Variants in ALK observed in about 807,000 individuals in gnomAD.
ALK encodes ALK receptor tyrosine kinase.
In ALK, 74 loss-of-function variants were observed where a neutral mutation model predicts 163.1. The observed-to-expected ratio is 0.45, with a 90% confidence interval of 0.38 to 0.55. ALK has a LOEUF of 0.55. Among genes scored for constraint, ALK ranks in the 20% least tolerant of loss-of-function variants. The pLI is 0.00. For synonymous variants in ALK, 960 were observed against 843.2 expected (o/e 1.14, Z -2.40); for missense variants, 2,063 against 2,105.3 (o/e 0.98, Z 0.39).
chr2:29,566,551 C>T (rs1012876052), intron 3 of ALK, among the ~76,000 whole-genome samples: 7 of 152,050 alleles, frequency 4.6e-5, no homozygotes, highest in South Asian at 4.1e-4. Context: ...CATACATGGC[C>T]GGTAGGAACA....
At chr2:29,765,816 C>T (rs956809161) in intron 1 of ALK, among the ~76,000 whole-genome samples, 1 of 151,794 alleles carries the variant, frequency 6.6e-6, no homozygotes, top group African/African-American at 2.4e-5. Flanking sequence ...TTTTTAAGCC[C>T]TTATTTGTAG....
chr2:29,868,363 T>A (rs556955773), intron 1 of ALK, among the ~76,000 whole-genome samples: 1 of 152,202 alleles, frequency 6.6e-6, no homozygotes, highest in Non-Finnish European at 1.5e-5. Context: ...CAGACAAAGA[T>A]TCTGCACTTG....
intron 1 of ALK, among the ~76,000 whole-genome samples, chr2:29,882,916 T>C (rs1353336834): frequency 6.6e-6 from 1 of 152,210 alleles, no homozygotes; most frequent in African/African-American, 2.4e-5. Context: ...CTGATCATCA[T>C]GTATTTTTAT....
At position 29,428,889 on chromosome 2, in the gene ALK, C is replaced by T. The variant is rs577414182; in HGVS notation, c.1155-45030G>A. 2.0e-5 allele frequency among the ~76,000 whole-genome samples: 3 copies of T among 151,938 alleles called. No homozygotes were observed. The East Asian group carries it at 5.8e-4, about 29-fold the overall frequency. Reference sequence around the variant, plus strand: ...CAAAATACTAGCAAACTCAATCAAGCAACGTATAAAAAGACTTGTACTCCA... The same window carrying T: ...CAAAATACTAGCAAACTCAATCAAGTAACGTATAAAAAGACTTGTACTCCA... On this transcript the variant is annotated intron_variant, in intron 4 of 28. Transcript: ENST00000389048.
intron 4 of ALK, among the ~76,000 whole-genome samples, chr2:29,482,835 T>A (rs1357730503): frequency 6.6e-6 from 1 of 152,192 alleles, no homozygotes; most frequent in African/African-American, 2.4e-5. Flanking sequence ...GACGACTACA[T>A]GGATTACTAA....
chr2:29,227,637 C>T lies in ALK; in HGVS notation c.2851G>A (p.Asp951Asn). 1.9e-6 allele frequency: 3 copies of T among 1,614,050 alleles called. No individual in the cohort carries two copies. Among genetic ancestry groups the T allele is most frequent in the Non-Finnish European group, 2.5e-6 (3 of 1,180,034 alleles). ...NAASNNDPEMDGEDGVSFISP... is the reference protein window; with the variant it reads ...NAASNNDPEMNGEDGVSFISP... Reference sequence around the variant, plus strand: ...ATGAAGGAAACCCCATCTTCCCCATCCATTTCGGGGTCATTGTTTGAGGCT... The same window carrying T: ...ATGAAGGAAACCCCATCTTCCCCATTCATTTCGGGGTCATTGTTTGAGGCT... The change falls in exon 17 of 29, where the codon GAT becomes AAT. Residue 951 changes from aspartate to asparagine, a missense_variant. Physicochemically the swap from Asp to Asn is conservative, Grantham distance 23. Coordinates refer to ENST00000389048, the MANE Select transcript of ALK (RefSeq NM_004304.5). The surrounding 1 kb of genome is among the most constrained non-coding windows in gnomAD (Gnocchi z 4.4).
At chr2:29,675,924 C>G (rs1381155143) in intron 3 of ALK, among the ~76,000 whole-genome samples, 1 of 151,932 alleles carries the variant, frequency 6.6e-6, no homozygotes, top group African/African-American at 2.4e-5. Context: ...TGGCACCCCT[C>G]TATATTGACC....
chr2:29,602,274 C>T (rs1390054925), intron 3 of ALK, among the ~76,000 whole-genome samples: 3 of 152,044 alleles, frequency 2.0e-5, no homozygotes, highest in Non-Finnish European at 4.4e-5. Flanking sequence ...CAGACATATT[C>T]AGGATCCAAC....
At chr2:29,642,273 G>A (rs1420572042) in intron 3 of ALK, among the ~76,000 whole-genome samples, 1 of 152,156 alleles carries the variant, frequency 6.6e-6, no homozygotes, top group African/African-American at 2.4e-5. Flanking sequence ...CTATAGTTCA[G>A]GAAAACTTGG....
intron 1 of ALK, among the ~76,000 whole-genome samples, chr2:29,896,758 A>G (rs1041782410): frequency 2.0e-5 from 3 of 152,184 alleles, no homozygotes; most frequent in Non-Finnish European, 4.4e-5. Flanking sequence ...TAAGAAGAAT[A>G]AAATCTCCAT....
At chr2:29,275,012 C>T in intron 11 of ALK, 87 bp downstream of exon 11, 10 of 1,549,556 alleles carry the variant, frequency 6.5e-6, no homozygotes, top group Non-Finnish European at 8.0e-6. Flanking sequence ...TTCAGCACAG[C>T]TCCCCACCCT....
intron 11 of ALK, among the ~76,000 whole-genome samples, chr2:29,273,682 C>T (rs761396022): frequency 5.9e-5 from 9 of 152,114 alleles, no homozygotes; most frequent in Non-Finnish European, 8.8e-5. Context: ...GCTGTGTAAT[C>T]AGTGCTGTTG....
At chr2:29,858,804 T>C (rs1479415076) in intron 1 of ALK, among the ~76,000 whole-genome samples, 1 of 151,730 alleles carries the variant, frequency 6.6e-6, no homozygotes, top group Non-Finnish European at 1.5e-5. Flanking sequence ...TTTGGGAGGC[T>C]GAGGCGGGCA....
At chr2:29,810,441 G>A in intron 1 of ALK, among the ~76,000 whole-genome samples, 1 of 148,924 alleles carries the variant, frequency 6.7e-6, no homozygotes, top group Non-Finnish European at 1.5e-5. Context: ...AAAAAAAAAA[G>A]GGATAGTCAT....
chr2:29,629,012 G>A (rs888873468), intron 3 of ALK, among the ~76,000 whole-genome samples: 3 of 152,144 alleles, frequency 2.0e-5, no homozygotes, highest in African/African-American at 7.2e-5. Context: ...AGACTGCCAT[G>A]GGAGTGTTGG....
intron 3 of ALK, among the ~76,000 whole-genome samples, chr2:29,549,325 G>C (rs1347368646): frequency 6.6e-6 from 1 of 152,210 alleles, no homozygotes; most frequent in Non-Finnish European, 1.5e-5. Flanking sequence ...ACATTGGCCT[G>C]ATTCTTGTTC....
chr2:29,512,989 G>A (rs532762266), intron 4 of ALK, among the ~76,000 whole-genome samples: 2 of 151,516 alleles, frequency 1.3e-5, no homozygotes, highest in South Asian at 4.2e-4. Flanking sequence ...ACTGCTCAAT[G>A]AAATAAAAGA....
At chr2:29,228,113 C>A (rs1664068050) in intron 16 of ALK, among the ~76,000 whole-genome samples, 1 of 152,196 alleles carries the variant, frequency 6.6e-6, no homozygotes, top group Non-Finnish European at 1.5e-5. Flanking sequence ...TGCCCTGAGG[C>A]TCCCGTCCCT....
chr2:29,528,561 T>C (rs143592805), intron 4 of ALK, among the ~76,000 whole-genome samples: 98 of 152,276 alleles, frequency 6.4e-4, no homozygotes, highest in African/African-American at 2.2e-3. Flanking sequence ...CTGGACTAGA[T>C]GTTCCTTGAA....
Sources: allele counts gnomAD v4.1 joint callset (sites outside exome capture counted in the v4.1 genomes callset), GRCh38; gene constraint gnomAD v4.1.1; non-coding constraint Gnocchi (gnomAD v3.1); transcripts MANE v1.5; gene names NCBI Gene and HGNC (gene_info 2026-07-23, HGNC 2026-07-21).